GNAQ: variants seen among roughly 807,000 people sequenced by gnomAD.
GNAQ encodes the protein guanine nucleotide-binding protein G(q) subunit alpha.
A neutral mutation model predicts 43.9 loss-of-function variants in GNAQ; 8 were observed. The observed-to-expected ratio is 0.18, with a 90% confidence interval of 0.11 to 0.33. GNAQ has a LOEUF of 0.33. Among genes scored for constraint, GNAQ ranks in the 10% least tolerant of loss-of-function variants. The pLI is 1.00. For synonymous variants in GNAQ, 155 were observed against 170.7 expected (o/e 0.91, Z 0.71); for missense variants, 158 against 450.8 (o/e 0.35, Z 5.88).
intron 1 of GNAQ, among the ~76,000 whole-genome samples, chr9:78,007,497 T>G (rs748050790): frequency 1.3e-5 from 2 of 151,904 alleles, no homozygotes; most frequent in Non-Finnish European, 2.9e-5. Flanking sequence ...GTTCTAAAAA[T>G]TTATATGCAA....
At chr9:77,817,993 A>T (rs1185044297) in intron 2 of GNAQ, among the ~76,000 whole-genome samples, 2 of 152,102 alleles carry the variant, frequency 1.3e-5, no homozygotes, top group East Asian at 3.8e-4. Context: ...CTTTCTTTTG[A>T]CTGCAAAAAA....
rs572744139 is a variant in GNAQ, at chr9:77,829,859, A to G, written c.322-14089T>C. Among the ~76,000 whole-genome samples the G allele has an allele frequency of 1.7e-3, 264 of 152,254 alleles. 1 individual carries two copies. The highest frequency in any genetic ancestry group is 5.9e-3 in the African/African-American group (247 of 41,554). ...CAGTGCTTCTCAAACTGGGCTGAAC[A>G]TCAGCATCACCTGGGGAGCTTAAAA... On this transcript the variant is annotated intron_variant, in intron 2 of 6. Coordinates refer to ENST00000286548, the MANE Select transcript of GNAQ (RefSeq NM_002072.5).
intron 2 of GNAQ, among the ~76,000 whole-genome samples, chr9:77,869,871 C>A (rs1034637996): frequency 1.3e-5 from 2 of 152,156 alleles, no homozygotes; most frequent in African/African-American, 2.4e-5. Context: ...TGCAGCTACA[C>A]TGAACTCTGA....
chr9:77,865,005 T>A (rs938358858), intron 2 of GNAQ, among the ~76,000 whole-genome samples: 9 of 152,176 alleles, frequency 5.9e-5, no homozygotes, highest in Non-Finnish European at 1.2e-4. Flanking sequence ...TTTTTCCCCA[T>A]CAAAAAGAAA....
At chr9:77,725,799 G>A (rs76337720) in intron 6 of GNAQ, among the ~76,000 whole-genome samples, 1 of 152,110 alleles carries the variant, frequency 6.6e-6, no homozygotes, top group African/African-American at 2.4e-5. Flanking sequence ...CAGCAACTGT[G>A]AAGTGTGGCT....
chr9:77,873,357 T>A (rs1383490813), intron 2 of GNAQ, among the ~76,000 whole-genome samples: 1 of 152,258 alleles, frequency 6.6e-6, no homozygotes, highest in South Asian at 2.1e-4. Context: ...TAAATGCTTA[T>A]GTATTCTCTA....
At chr9:78,018,345 CAG>C in intron 1 of GNAQ, among the ~76,000 whole-genome samples, 1 of 151,928 alleles carries the variant, frequency 6.6e-6, no homozygotes, top group East Asian at 1.9e-4. Context: ...AAAAATAAAA[CAG>C]ACTATAAAGG....
At chr9:77,998,061 C>G (rs758883528) in intron 1 of GNAQ, among the ~76,000 whole-genome samples, 1 of 152,158 alleles carries the variant, frequency 6.6e-6, no homozygotes, top group Non-Finnish European at 1.5e-5. Context: ...TACACACACA[C>G]ACGCACACGC....
intron 1 of GNAQ, among the ~76,000 whole-genome samples, chr9:77,970,435 G>C (rs1044703682): frequency 9.9e-5 from 15 of 152,146 alleles, no homozygotes; most frequent in African/African-American, 3.4e-4. Flanking sequence ...GGCACCTATG[G>C]CTTTTCAAAG....
At chr9:77,827,395 A>C (rs533956857) in intron 2 of GNAQ, among the ~76,000 whole-genome samples, 14 of 151,958 alleles carry the variant, frequency 9.2e-5, no homozygotes, top group South Asian at 6.2e-4. Flanking sequence ...AAAAAAAAAA[A>C]AAAAAACTGA....
chr9:77,982,671 T>C (rs1050452355), intron 1 of GNAQ, among the ~76,000 whole-genome samples: 38 of 151,046 alleles, frequency 2.5e-4, no homozygotes, highest in African/African-American at 9.3e-4. Context: ...CATTGCACAG[T>C]AGTGAAAGAT....
At chr9:77,750,762 A>G (rs191200280) in intron 5 of GNAQ, among the ~76,000 whole-genome samples, 48 of 152,214 alleles carry the variant, frequency 3.2e-4, no homozygotes, top group Admixed American at 2.9e-3. Flanking sequence ...GGTCATGTAA[A>G]TATTATACCA....
intron 2 of GNAQ, among the ~76,000 whole-genome samples, chr9:77,830,478 G>A (rs1247926978): frequency 6.6e-6 from 1 of 152,128 alleles, no homozygotes; most frequent in Non-Finnish European, 1.5e-5. Flanking sequence ...GGAGTTCTAA[G>A]GAGTCGTTAC....
At chr9:77,777,280 G>A (rs1032303907) in intron 5 of GNAQ, among the ~76,000 whole-genome samples, 2 of 152,056 alleles carry the variant, frequency 1.3e-5, no homozygotes, top group African/African-American at 4.8e-5. Context: ...TAGTGCAAAT[G>A]CAATATATAT....
At chr9:77,860,305 T>C (rs942343175) in intron 2 of GNAQ, among the ~76,000 whole-genome samples, 6 of 152,114 alleles carry the variant, frequency 3.9e-5, no homozygotes, top group African/African-American at 1.4e-4. Context: ...TCTTTCTGAC[T>C]AGTTTCCCTG....
chr9:77,984,049 CAAAAAAAAAAAAAAAAA>C (rs72279886), intron 1 of GNAQ, among the ~76,000 whole-genome samples: 1 of 67,980 alleles, frequency 1.5e-5, no homozygotes, highest in African/African-American at 5.6e-5. Flanking sequence ...TTTTGGAGAG[CAAAAAAAAAAAAAAAAA>C]AAAAAAAAAA....
At chr9:77,985,685 C>T (rs976349496) in intron 1 of GNAQ, among the ~76,000 whole-genome samples, 4 of 152,092 alleles carry the variant, frequency 2.6e-5, no homozygotes, top group African/African-American at 4.8e-5. Context: ...CTCCCGGGTT[C>T]AAGCGATTCT....
At chr9:77,940,230 G>A (rs1267563427) in intron 1 of GNAQ, among the ~76,000 whole-genome samples, 2 of 152,116 alleles carry the variant, frequency 1.3e-5, no homozygotes, top group Non-Finnish European at 2.9e-5. Context: ...ATCCCTTATA[G>A]TGCATATTAC....
rs535549679 is a variant in GNAQ at position 77,959,538 on chromosome 9, T to C, written c.137-37193A>G. 5.3e-5 allele frequency among the ~76,000 whole-genome samples: 8 copies of C among 152,338 alleles called. No individual in the cohort carries two copies. In the South Asian group the frequency reaches 1.7e-3, roughly 32 times the overall value. On this transcript the variant is annotated intron_variant, in intron 1 of 6. Coordinates refer to ENST00000286548, the MANE Select transcript of GNAQ (RefSeq NM_002072.5). Reference sequence around the variant, plus strand: ...TGTAGATAAATTTTCTAAACTATCATTTGCAAATTTCAATCTGCATGAAAG... The same window carrying C: ...TGTAGATAAATTTTCTAAACTATCACTTGCAAATTTCAATCTGCATGAAAG...
Sources: gnomAD v4.1 joint callset for allele counts (sites outside exome capture counted in the v4.1 genomes callset) on GRCh38, gnomAD v4.1.1 for gene constraint, MANE v1.5 for transcripts, NCBI Gene and HGNC (gene_info 2026-07-23, HGNC 2026-07-21) for gene names.